The following FGF1 variants were observed in gnomAD, a reference collection of about 807,000 sequenced individuals.
The protein encoded by FGF1 is fibroblast growth factor 1, also known as beta-endothelial cell growth factor.
FGF1 carries 9 observed loss-of-function variants against 13.4 expected under a neutral mutation model. The observed-to-expected ratio is 0.67, with a 90% confidence interval of 0.40 to 1.17. The LOEUF (loss-of-function observed/expected upper bound fraction) is 1.17. Ranked by LOEUF, FGF1 falls within the 50% of genes most tolerant of loss-of-function variation. The probability of loss-of-function intolerance (pLI) is 0.01; values close to 1 mark genes in which losing one functional copy is unlikely to be tolerated. For synonymous variants in FGF1, 93 were observed against 79.0 expected (o/e 1.18, Z -0.94); for missense variants, 156 against 192.7 (o/e 0.81, Z 1.13).
chr5:142,682,085 A>ATT (rs371659888), intron 1 of FGF1, among the ~76,000 whole-genome samples: 14 of 134,958 alleles, frequency 1.0e-4, no homozygotes, highest in East Asian at 8.8e-4. Flanking sequence ...TTTCTCCTCT[A>ATT]TTTTTTTTTT....
At chr5:142,646,776 G>A (rs915721186) in intron 1 of FGF1, among the ~76,000 whole-genome samples, 1 of 152,222 alleles carries the variant, frequency 6.6e-6, no homozygotes, top group Non-Finnish European at 1.5e-5. Context: ...ACAGGTGTGA[G>A]CCACTGCGCC....
intron 2 of FGF1, among the ~76,000 whole-genome samples, chr5:142,606,853 T>C (rs528984944): frequency 7.2e-5 from 11 of 152,332 alleles, no homozygotes; most frequent in Non-Finnish European, 1.3e-4. Flanking sequence ...ACTGGAGGAC[T>C]CTGAGTGATA....
intron 1 of FGF1, among the ~76,000 whole-genome samples, chr5:142,617,185 C>G (rs903884076): frequency 2.0e-5 from 3 of 151,918 alleles, no homozygotes; most frequent in Non-Finnish European, 4.4e-5. Flanking sequence ...GCCAACATGG[C>G]AAAAACCCAT....
chr5:142,641,776 G>A (rs376690221), intron 1 of FGF1, among the ~76,000 whole-genome samples: 2 of 151,618 alleles, frequency 1.3e-5, no homozygotes, highest in Non-Finnish European at 2.9e-5. Flanking sequence ...TTAGGCATCC[G>A]AATAATTATT....
chr5:142,661,236 C>T (rs1034271054), intron 1 of FGF1, among the ~76,000 whole-genome samples: 1 of 152,198 alleles, frequency 6.6e-6, no homozygotes, highest in Admixed American at 6.5e-5. Context: ...CTCATCTCCA[C>T]CTGAAAAGAT....
Position 142,692,660 on chromosome 5 carries a change from G to GAC in FGF1, c.-35+4960_-35+4961dup, listed in dbSNP as rs146277733. Among the ~76,000 whole-genome samples, 611 of 145,622 alleles carry GAC rather than the reference G, an allele frequency of 4.2e-3. 1 individual carries two copies. Among genetic ancestry groups the GAC allele is most frequent in the African/African-American group, 0.013 (511 of 38,912 alleles). Reference sequence around the variant, plus strand: ...CAAGATCTATAGCTCTATTCCCCAGGACACACACACACACACGCACACACG... The same window carrying GAC: ...CAAGATCTATAGCTCTATTCCCCAGGACACACACACACACACACGCACACACG... On this transcript the variant is annotated intron_variant, in intron 2 of 4. Coordinates refer to the FGF1 transcript ENST00000407758.
intron 1 of FGF1, among the ~76,000 whole-genome samples, chr5:142,648,169 C>T (rs1256382869): frequency 6.6e-6 from 1 of 152,164 alleles, no homozygotes; most frequent in Admixed American, 6.5e-5. Flanking sequence ...TCAGCTTGTA[C>T]TGTGTTCACA....
At chr5:142,612,321 G>GC (rs1470899910) in intron 2 of FGF1, among the ~76,000 whole-genome samples, 1 of 152,198 alleles carries the variant, frequency 6.6e-6, no homozygotes, top group African/African-American at 2.4e-5. Flanking sequence ...CAGTATTGGA[G>GC]CCTTTTTTTA....
chr5:142,619,997 C>T (rs1191718078), intron 1 of FGF1, among the ~76,000 whole-genome samples: 1 of 151,454 alleles, frequency 6.6e-6, no homozygotes, highest in Admixed American at 6.6e-5. Context: ...GCTAAATTTA[C>T]TAGCTACTGT....
intron 1 of FGF1, among the ~76,000 whole-genome samples, chr5:142,624,055 G>C (rs993092109): frequency 3.9e-5 from 6 of 152,124 alleles, no homozygotes; most frequent in African/African-American, 1.4e-4. Flanking sequence ...GAGTAGCTGG[G>C]AATACAGGCA....
chr5:142,607,308 G>A (rs910532900), intron 2 of FGF1, among the ~76,000 whole-genome samples: 14 of 152,128 alleles, frequency 9.2e-5, no homozygotes, highest in African/African-American at 3.1e-4. Flanking sequence ...CCAGGTTAGC[G>A]CACAGAGCAA....
chr5:142,683,821 C>CAAAAAAAAAA (rs768317949), intron 1 of FGF1, among the ~76,000 whole-genome samples: 35 of 49,720 alleles, frequency 7.0e-4, no homozygotes, highest in African/African-American at 2.5e-3. Flanking sequence ...AACTCTGTCT[C>CAAAAAAAAAA]AAAAAAAAAA....
intron 1 of FGF1, among the ~76,000 whole-genome samples, chr5:142,664,942 C>G (rs988802573): frequency 2.6e-5 from 4 of 152,054 alleles, no homozygotes; most frequent in African/African-American, 9.7e-5. Context: ...GGTAAAGTTA[C>G]GTAAGGTGCT....
chr5:142,696,084 C>T (rs1397642251), intron 2 of FGF1, among the ~76,000 whole-genome samples: 1 of 152,174 alleles, frequency 6.6e-6, no homozygotes, highest in African/African-American at 2.4e-5. Flanking sequence ...GGTGCATGGT[C>T]TGGGAGCTAA....
At chr5:142,684,774 T>C (rs575210667) in intron 1 of FGF1, among the ~76,000 whole-genome samples, 42 of 152,368 alleles carry the variant, frequency 2.8e-4, no homozygotes, top group Middle Eastern at 3.4e-3. Context: ...ATGCCACTGC[T>C]GCTGGCTCAC....
At chr5:142,651,721 T>C in intron 1 of FGF1, among the ~76,000 whole-genome samples, 1 of 152,218 alleles carries the variant, frequency 6.6e-6, no homozygotes, top group Non-Finnish European at 1.5e-5. Context: ...TTTTCCAGAA[T>C]GTCTTATAGT....
chr5:142,663,632 A>C lies in FGF1; in HGVS notation c.-35+22325T>G, dbSNP rs528876024. Among the ~76,000 whole-genome samples, 39 of 152,376 alleles carry C rather than the reference A, an allele frequency of 2.6e-4. 1 individual carries two copies. Among genetic ancestry groups the C allele is most frequent in the African/African-American group, 9.4e-4 (39 of 41,592 alleles). ...AAGCCAGCTTATACGTACACAGCCC[A>C]CAGCGGAGGAGGGAGGTCTTGGGGT... On this transcript the variant is annotated intron_variant, in intron 1 of 3. Transcript: ENST00000337706.
intron 2 of FGF1, among the ~76,000 whole-genome samples, chr5:142,697,306 TA>T (rs1326653063): frequency 3.9e-4 from 60 of 152,378 alleles, no homozygotes; most frequent in African/African-American, 1.4e-3. Context: ...GGGATTTGTC[TA>T]ATGATTTCCT....
intron 3 of FGF1, 82 bp from the exon 4 acceptor site, chr5:142,595,566 T>C: frequency 3.5e-6 from 4 of 1,155,378 alleles, no homozygotes; most frequent in Non-Finnish European, 5.0e-6. Flanking sequence ...CTGTGTGACA[T>C]TGGGCAAAAT....
Sources: allele counts gnomAD v4.1 joint callset (sites outside exome capture counted in the v4.1 genomes callset), GRCh38; gene constraint gnomAD v4.1.1; transcripts MANE v1.5; gene names NCBI Gene and HGNC (gene_info 2026-07-23, HGNC 2026-07-21).